The following PLCZ1 variants were observed in gnomAD, a reference collection of about 807,000 sequenced individuals.
PLCZ1 encodes 1-phosphatidylinositol 4,5-bisphosphate phosphodiesterase zeta-1.
Under a neutral mutation model 76.8 loss-of-function variants are expected in PLCZ1, and 64 were observed. The ratio of observed to expected loss-of-function variants is 0.83; its 90% confidence interval spans 0.68 to 1.03. The LOEUF is 1.03. Among genes scored for constraint, PLCZ1 ranks in the 50% least tolerant of loss-of-function variants. The probability of loss-of-function intolerance (pLI) is 0.00; values close to 1 mark genes in which losing one functional copy is unlikely to be tolerated. For synonymous variants in PLCZ1, 248 were observed against 230.8 expected (o/e 1.07, Z -0.68); for missense variants, 751 against 713.7 (o/e 1.05, Z -0.60).
At chr12:18,662,599 T>C in the PLCZ1 span, among the ~76,000 whole-genome samples, 79,317 of 151,920 alleles carry the variant, frequency 0.52, 21,843 homozygotes, top group South Asian at 0.67. Flanking sequence ...TCTGCAGCTA[T>C]ACATTTTGTT....
chr12:18,663,625 C>G, the PLCZ1 span, among the ~76,000 whole-genome samples: 3 of 151,152 alleles, frequency 2.0e-5, no homozygotes, highest in African/African-American at 7.3e-5. Context: ...AACATAACAG[C>G]AAAAACTGTA....
the PLCZ1 span, among the ~76,000 whole-genome samples, chr12:18,672,833 T>C: frequency 6.6e-6 from 1 of 152,122 alleles, no homozygotes. Flanking sequence ...TGCTTCGATG[T>C]AGTCCATTCA....
chr12:18,656,712 G>A, the PLCZ1 span, among the ~76,000 whole-genome samples: 7 of 151,572 alleles, frequency 4.6e-5, no homozygotes, highest in African/African-American at 9.7e-5. Flanking sequence ...TCCAGCCTGG[G>A]TGACAGAGCA....
At chr12:18,712,632 T>A (rs150579127) in intron 6 of PLCZ1, among the ~76,000 whole-genome samples, 9 of 152,232 alleles carry the variant, frequency 5.9e-5, no homozygotes, top group African/African-American at 1.9e-4. Context: ...AAAAGTTCCA[T>A]GAAACACTAT....
chr12:18,674,092 A>G, the PLCZ1 span, among the ~76,000 whole-genome samples: 1 of 152,234 alleles, frequency 6.6e-6, no homozygotes, highest in Non-Finnish European at 1.5e-5. Context: ...GTCTACCACA[A>G]CTGTGAAGAA....
At chr12:18,705,877 T>C (rs992852684) in intron 6 of PLCZ1, among the ~76,000 whole-genome samples, 1 of 149,734 alleles carries the variant, frequency 6.7e-6, no homozygotes, top group Non-Finnish European at 1.5e-5. Context: ...AAAATAACAA[T>C]AATAATAATA....
chr12:18,733,641 C>T (rs1959166579), intron 3 of PLCZ1, among the ~76,000 whole-genome samples: 1 of 152,160 alleles, frequency 6.6e-6, no homozygotes, highest in Non-Finnish European at 1.5e-5. Flanking sequence ...TTGATTTTTG[C>T]ATATGGGGTA....
chr12:18,693,086 G>A (rs1204701959), intron 12 of PLCZ1: 10 of 1,511,750 alleles, frequency 6.6e-6, no homozygotes, highest in Middle Eastern at 2.3e-4. Context: ...ATGATCTGAG[G>A]GGGACCCCAA....
chr12:18,694,180 G>A, intron 12 of PLCZ1: 2 of 663,914 alleles, frequency 3.0e-6, no homozygotes, highest in African/African-American at 1.8e-5. Flanking sequence ...GTTGCCCAGA[G>A]GAATCTCTGT....
Position 18,723,559 on chromosome 12 carries a change from T to C in PLCZ1, c.136-17A>G. The C allele has an allele frequency of 6.3e-7, 1 of 1,575,798 alleles. No homozygotes were observed. The highest frequency in any genetic ancestry group is 8.7e-7 in the Non-Finnish European group (1 of 1,147,224). ...GTCATTGTCCTACTAAAAAAATGACTGGTGGGCTCACATTGTGAGTATAAA... is the reference window on the plus strand; with the variant it reads ...GTCATTGTCCTACTAAAAAAATGACCGGTGGGCTCACATTGTGAGTATAAA... On this transcript the variant is annotated splice_polypyrimidine_tract_variant and intron_variant, in intron 3 of 14. Transcript: ENST00000266505.
At position 18,701,774 on chromosome 12, in the gene PLCZ1, T is replaced by G; in HGVS notation, c.867A>C (p.Ala289=). 6.3e-7 allele frequency: 1 copy of G among 1,598,754 alleles called. No homozygotes were observed. Among genetic ancestry groups the G allele is most frequent in the South Asian group, 1.1e-5 (1 of 88,960 alleles). ...TTTTAACTAATATTTTGAATTTTAGTGCCTAAGGAAACAATTTGAGAGATA... is the reference window on the plus strand; with the variant it reads ...TTTTAACTAATATTTTGAATTTTAGGGCCTAAGGAAACAATTTGAGAGATA... ...DFPDTLPSPE[A]LKFKILVKNK... The change falls in exon 8 of 15, where the codon GCA becomes GCC. Residue 289 remains alanine (A), a splice_region_variant and synonymous_variant. Transcript: ENST00000266505.
At chr12:18,723,272 A>C (rs1401951488) in intron 4 of PLCZ1, 39 bp downstream of exon 4, 1 of 1,526,942 alleles carries the variant, frequency 6.5e-7, no homozygotes, top group Non-Finnish European at 9.0e-7. Context: ...AATACTTCAC[A>C]TATAAATATT....
intron 6 of PLCZ1, among the ~76,000 whole-genome samples, 174 bp from the exon 7 acceptor site, chr12:18,705,489 A>C (rs1227130759): frequency 6.6e-6 from 1 of 152,198 alleles, no homozygotes; most frequent in African/African-American, 2.4e-5. Flanking sequence ...GAGACCATTA[A>C]ATCTGCATAA....
In PLCZ1 at chr12:18,683,292, C is replaced by T. The variant is rs769172901; in HGVS notation, c.1774G>A (p.Gly592Ser). 3.1e-6 allele frequency: 5 copies of T among 1,612,352 alleles called. No homozygotes were observed. The highest frequency in any genetic ancestry group is 4.2e-6 in the Non-Finnish European group (5 of 1,179,038). Residue 592 changes from glycine (G) to serine (S), a missense_variant, in exon 15 of 15, where the codon GGT becomes AGT. Physicochemically the swap from Gly to Ser is moderately conservative, Grantham distance 56. Coordinates refer to ENST00000266505, the MANE Select transcript of PLCZ1 (RefSeq NM_033123.4). ...YRRIPLFSRM[G>S]ESLEPASLFV... is the part of the protein sequence containing the mutation. ...AGTGAAGCAGGCTCAAGGCTCTCAC[C>T]CATTCTGGAAAACAGAGGAATACGA...
At chr12:18,700,657 T>C (rs556210145) in intron 9 of PLCZ1, among the ~76,000 whole-genome samples, 9 of 152,098 alleles carry the variant, frequency 5.9e-5, no homozygotes, top group East Asian at 1.9e-4. Context: ...GGAGAAAGAA[T>C]TGAAGTTCTG....
At chr12:18,729,327 C>T (rs898216083) in intron 3 of PLCZ1, among the ~76,000 whole-genome samples, 1 of 152,060 alleles carries the variant, frequency 6.6e-6, no homozygotes, top group Non-Finnish European at 1.5e-5. Flanking sequence ...TCCATCATGG[C>T]ATCTTCTATA....
In PLCZ1 at chr12:18,683,208, T is replaced by C. The variant is rs1395449927; in HGVS notation, c.*31A>G. The C allele has an allele frequency of 5.1e-6, 8 of 1,578,530 alleles. No homozygotes were observed. Among genetic ancestry groups the C allele is most frequent in the Admixed American group, 1.7e-5 (1 of 59,752 alleles). On this transcript the variant is annotated 3_prime_UTR_variant, in exon 15 of 15. Coordinates refer to ENST00000266505, the MANE Select transcript of PLCZ1 (RefSeq NM_033123.4). ...ATTTTGGCTGTTTTATTGCGATGCA[T>C]AGCTAATGATATGTCATTTATCATT...
At chr12:18,683,140 A>G, downstream of PLCZ1, 2 of 1,008,706 alleles carry the variant, frequency 2.0e-6, no homozygotes, top group African/African-American at 1.6e-5. Flanking sequence ...TTTATGAGTA[A>G]TTATTTTTCT....
intron 6 of PLCZ1, among the ~76,000 whole-genome samples, chr12:18,708,958 G>C (rs1956970218): frequency 6.6e-6 from 1 of 151,902 alleles, no homozygotes; most frequent in Non-Finnish European, 1.5e-5. Context: ...CAATTCATAG[G>C]CTGCCCTTTG....
Sources: gnomAD v4.1 joint callset for allele counts (sites outside exome capture counted in the v4.1 genomes callset) on GRCh38, gnomAD v4.1.1 for gene constraint, MANE v1.5 for transcripts, NCBI Gene and HGNC (gene_info 2026-07-23, HGNC 2026-07-21) for gene names.